The following SCAPER variants were observed in gnomAD, a reference collection of about 807,000 sequenced individuals.
SCAPER encodes S phase cyclin A-associated protein in the endoplasmic reticulum.
A neutral mutation model predicts 182.2 loss-of-function variants in SCAPER; 98 were observed. The observed-to-expected ratio is 0.54, with a 90% confidence interval of 0.46 to 0.64. SCAPER has a LOEUF of 0.64. Among genes scored for constraint, SCAPER ranks in the 30% least tolerant of loss-of-function variants. SCAPER has a pLI of 0.00. For synonymous variants in SCAPER, 605 were observed against 564.6 expected (o/e 1.07, Z -1.01); for missense variants, 1,432 against 1,690.0 (o/e 0.85, Z 2.68).
chr15:76,644,195 G>A (rs1190832100), intron 21 of SCAPER, among the ~76,000 whole-genome samples: 5 of 152,092 alleles, frequency 3.3e-5, no homozygotes, highest in African/African-American at 1.2e-4. Context: ...CAGTAGAGCT[G>A]AGGCTACATG....
intron 8 of SCAPER, among the ~76,000 whole-genome samples, chr15:76,778,667 A>G (rs1045041638): frequency 4.0e-5 from 6 of 149,218 alleles, no homozygotes; most frequent in East Asian, 3.9e-4. Context: ...GTGTGTGTGT[A>G]TGTATATACA....
chr15:76,537,035 G>A (rs896202228), intron 23 of SCAPER, among the ~76,000 whole-genome samples: 1 of 152,122 alleles, frequency 6.6e-6, no homozygotes, highest in Non-Finnish European at 1.5e-5. Context: ...TCTTCAAGGA[G>A]AACTGCAAAC....
chr15:76,905,314 T>C lies in SCAPER; in HGVS notation c.-75A>G, dbSNP rs1047900164. ...GGACACTCACCCCCGACCGCCCTGCTTAGTTCGGGGCGGCTCAAAGCGTCC... is the reference window on the plus strand; with the variant it reads ...GGACACTCACCCCCGACCGCCCTGCCTAGTTCGGGGCGGCTCAAAGCGTCC... On this transcript the variant is annotated 5_prime_UTR_variant, in exon 1 of 32. Coordinates refer to ENST00000563290, the MANE Select transcript of SCAPER (RefSeq NM_020843.4). The C allele has an allele frequency of 7.4e-6, 2 of 270,288 alleles. No individual in the cohort carries two copies. The highest frequency in any genetic ancestry group is 4.7e-5 in the African/African-American group (2 of 42,926). The allele number at this position is 270,288 out of a possible 1,614,324, so 16.7% of individuals were successfully genotyped here.
At chr15:76,412,294 A>C (rs1329705098) in intron 26 of SCAPER, among the ~76,000 whole-genome samples, 3 of 152,152 alleles carry the variant, frequency 2.0e-5, no homozygotes, top group African/African-American at 7.2e-5. Flanking sequence ...CAAAATCCGT[A>C]AGATATTTAA....
intron 2 of SCAPER, among the ~76,000 whole-genome samples, chr15:76,866,622 T>C (rs2072320665): frequency 6.6e-6 from 1 of 152,200 alleles, no homozygotes; most frequent in Admixed American, 6.5e-5. Flanking sequence ...TTTTTCATTT[T>C]AAAGCACAGA....
At chr15:76,827,267 A>G (rs1462512742) in intron 5 of SCAPER, among the ~76,000 whole-genome samples, 1 of 152,178 alleles carries the variant, frequency 6.6e-6, no homozygotes, top group Non-Finnish European at 1.5e-5. Context: ...ATCCTGTTGC[A>G]TTATGCCAGT....
intron 24 of SCAPER, among the ~76,000 whole-genome samples, chr15:76,488,432 G>A (rs537073055): frequency 6.6e-6 from 1 of 152,132 alleles, no homozygotes; most frequent in South Asian, 2.1e-4. Flanking sequence ...AGCTGGAAAT[G>A]TTTTGGCATA....
At chr15:76,471,974 G>A (rs1412114367) in intron 24 of SCAPER, 1 of 192,094 alleles carries the variant, frequency 5.2e-6, no homozygotes, top group Non-Finnish European at 1.1e-5. Context: ...AAAATATGCT[G>A]AAAAAACTAT....
At chr15:76,510,175 T>C (rs2041907638) in intron 23 of SCAPER, among the ~76,000 whole-genome samples, 1 of 152,180 alleles carries the variant, frequency 6.6e-6, no homozygotes, top group Non-Finnish European at 1.5e-5. Context: ...GACAAGGATT[T>C]CATGACCAAG....
chr15:76,728,823 C>A, intron 16 of SCAPER, 86 bp from the exon 17 acceptor site: 1 of 1,400,348 alleles, frequency 7.1e-7, no homozygotes. Context: ...ACCAAACTTA[C>A]ATGTTCAAGC....
chr15:76,843,695 AC>A (rs1470012509), intron 4 of SCAPER, among the ~76,000 whole-genome samples: 2 of 152,166 alleles, frequency 1.3e-5, no homozygotes, highest in Middle Eastern at 3.2e-3. Flanking sequence ...AGTATTATAC[AC>A]ATGCAGTCCT....
At chr15:76,826,824 G>A (rs1009406712) in intron 5 of SCAPER, among the ~76,000 whole-genome samples, 6 of 152,136 alleles carry the variant, frequency 3.9e-5, no homozygotes, top group African/African-American at 1.2e-4. Flanking sequence ...TGTGTTTCCA[G>A]TCCTTAGCTC....
intron 5 of SCAPER, among the ~76,000 whole-genome samples, chr15:76,811,616 C>A (rs1165738332): frequency 1.3e-5 from 2 of 151,924 alleles, no homozygotes; most frequent in Non-Finnish European, 2.9e-5. Flanking sequence ...CATGGAGAAA[C>A]CCCTCACTAC....
At chr15:76,750,377 A>G (rs1288179958) in intron 15 of SCAPER, among the ~76,000 whole-genome samples, 2 of 151,882 alleles carry the variant, frequency 1.3e-5, no homozygotes, top group Non-Finnish European at 1.5e-5. Context: ...ACTGACACCA[A>G]TCCTTCTCAA....
rs573309143 is a variant in SCAPER at position 76,770,357 on chromosome 15, A to T, written c.1248+1385T>A. ...ACCCTAGAATTTAAAGTATAATTTT[A>T]AAAAAAAAAGAAAGAAAAGAAAAAA... is the stretch of plus-strand genomic sequence containing the variant. On this transcript the variant is annotated intron_variant, in intron 10 of 31. Coordinates refer to ENST00000563290, the MANE Select transcript of SCAPER (RefSeq NM_020843.4). Among the ~76,000 whole-genome samples the T allele has an allele frequency of 2.4e-3, 359 of 149,210 alleles. 2 individuals are homozygous for T. The highest frequency in any genetic ancestry group is 4.3e-3 in the Admixed American group (65 of 14,950).
intron 22 of SCAPER, among the ~76,000 whole-genome samples, chr15:76,591,175 A>T (rs2047504): frequency 0.32 from 49,304 of 151,952 alleles, 8,264 homozygotes; most frequent in East Asian, 0.55. Context: ...CAACCCTTAA[A>T]TTTATACAAA....
intron 20 of SCAPER, among the ~76,000 whole-genome samples, chr15:76,693,923 T>A (rs1046313022): frequency 2.0e-5 from 3 of 152,110 alleles, no homozygotes; most frequent in Admixed American, 2.0e-4. Context: ...GATGGTAGCA[T>A]AAGAATGTGA....
chr15:76,460,613 C>T (rs929528623), intron 25 of SCAPER, among the ~76,000 whole-genome samples: 7 of 152,118 alleles, frequency 4.6e-5, no homozygotes, highest in Non-Finnish European at 4.4e-5. Context: ...GTTCATGTCT[C>T]ATTCTCTCTT....
chr15:76,643,957 G>A (rs1014155182), intron 21 of SCAPER, among the ~76,000 whole-genome samples: 5 of 152,128 alleles, frequency 3.3e-5, no homozygotes, highest in Admixed American at 6.5e-5. Flanking sequence ...TGCAGGATCT[G>A]ATCTGATGAA....
Sources: allele counts gnomAD v4.1 joint callset (sites outside exome capture counted in the v4.1 genomes callset), GRCh38; gene constraint gnomAD v4.1.1; transcripts MANE v1.5; gene names NCBI Gene and HGNC (gene_info 2026-07-23, HGNC 2026-07-21).